Variants in PIGU observed in about 807,000 individuals in gnomAD.
The protein encoded by PIGU is GPI-anchor transamidase component PIGU.
A neutral mutation model predicts 49.9 loss-of-function variants in PIGU; 24 were observed. The observed-to-expected ratio is 0.48, with a 90% CI of 0.35 to 0.68. The LOEUF (loss-of-function observed/expected upper bound fraction) is 0.68. Ranked by LOEUF, PIGU falls within the 30% of genes least tolerant of loss-of-function variation. The probability of loss-of-function intolerance (pLI) is 0.01; values close to 1 mark genes in which losing one functional copy is unlikely to be tolerated. For missense variants in PIGU, 490 were observed against 532.6 expected, an observed-to-expected ratio of 0.92 and a Z score of 0.79; for synonymous variants, 220 against 205.7, an observed-to-expected ratio of 1.07 and a Z score of -0.59.
At chr20:34,637,542 C>G (rs533019635) in intron 5 of PIGU, among the ~76,000 whole-genome samples, 1 of 152,250 alleles carries the variant, frequency 6.6e-6, no homozygotes, top group African/African-American at 2.4e-5. Context: ...ACATAAAAAC[C>G]AAACTTTTAT....
At chr20:34,574,981 G>A in intron 11 of PIGU, 123 bp downstream of exon 11, 1 of 1,305,778 alleles carries the variant, frequency 7.7e-7, no homozygotes, top group Non-Finnish European at 1.1e-6. Context: ...TACTTGAGGG[G>A]AGTAACTGTG....
At chr20:34,674,819 A>T (rs1049241812) in intron 1 of PIGU, among the ~76,000 whole-genome samples, 1 of 151,954 alleles carries the variant, frequency 6.6e-6, no homozygotes, top group African/African-American at 2.4e-5. Context: ...ACATGCCTGT[A>T]GTCCCAGCTA....
chr20:34,620,293 C>T (rs1218490102), intron 6 of PIGU, among the ~76,000 whole-genome samples: 1 of 152,206 alleles, frequency 6.6e-6, no homozygotes, highest in African/African-American at 2.4e-5. Flanking sequence ...TTTCTGAAAA[C>T]ATCATGCTGT....
At chr20:34,569,430 C>T (rs1019890858) in intron 11 of PIGU, among the ~76,000 whole-genome samples, 3 of 152,048 alleles carry the variant, frequency 2.0e-5, no homozygotes, top group Non-Finnish European at 4.4e-5. Context: ...GGGGTTTTGC[C>T]ATGTTGCCCA....
intron 7 of PIGU, among the ~76,000 whole-genome samples, chr20:34,610,869 T>C (rs1368370909): frequency 6.6e-6 from 1 of 151,964 alleles, no homozygotes; most frequent in Admixed American, 6.6e-5. Context: ...TATAGACCAA[T>C]GGAACAGAAC....
chr20:34,592,995 T>TAA (rs1984053130), intron 7 of PIGU, among the ~76,000 whole-genome samples: 1 of 152,128 alleles, frequency 6.6e-6, no homozygotes, highest in African/African-American at 2.4e-5. Context: ...ACTAAATTTT[T>TAA]CTGAAATAAT....
chr20:34,622,374 G>A (rs1049323544), intron 6 of PIGU, among the ~76,000 whole-genome samples: 4 of 151,886 alleles, frequency 2.6e-5, no homozygotes, highest in East Asian at 3.9e-4. Context: ...AAAATTAGCC[G>A]GATGTGGTGG....
At chr20:34,620,586 C>T (rs988323844) in intron 6 of PIGU, among the ~76,000 whole-genome samples, 10 of 151,818 alleles carry the variant, frequency 6.6e-5, no homozygotes. Context: ...CTGAGGCGGG[C>T]GGATCACGAG....
At chr20:34,609,873 A>G (rs1049258748) in intron 7 of PIGU, among the ~76,000 whole-genome samples, 6 of 152,256 alleles carry the variant, frequency 3.9e-5, no homozygotes, top group South Asian at 2.1e-4. Flanking sequence ...GTTACCCCCA[A>G]TGCTGCTGTT....
intron 4 of PIGU, among the ~76,000 whole-genome samples, chr20:34,639,593 A>G (rs1986086360): frequency 1.3e-5 from 2 of 152,032 alleles, no homozygotes. Context: ...ATAGGTTCAA[A>G]AGTATGTACT....
chr20:34,639,138 A>G (rs1986065749), intron 4 of PIGU, among the ~76,000 whole-genome samples: 1 of 152,202 alleles, frequency 6.6e-6, no homozygotes, highest in African/African-American at 2.4e-5. Flanking sequence ...ATGGTGGCTC[A>G]TGCCTGTAAT....
chr20:34,572,633 G>T (rs1219385573), intron 11 of PIGU, among the ~76,000 whole-genome samples: 2 of 152,136 alleles, frequency 1.3e-5, no homozygotes. Context: ...TATCCTGGGT[G>T]ACAGAGTGAG....
At chr20:34,561,990 G>C (rs573097275) in intron 11 of PIGU, among the ~76,000 whole-genome samples, 6 of 152,178 alleles carry the variant, frequency 3.9e-5, no homozygotes, top group African/African-American at 1.4e-4. Flanking sequence ...CAGGGTCTTC[G>C]AATGGTTCTG....
chr20:34,594,371 G>A (rs1025805591), intron 7 of PIGU, among the ~76,000 whole-genome samples: 1 of 151,870 alleles, frequency 6.6e-6, no homozygotes, highest in Non-Finnish European at 1.5e-5. Flanking sequence ...ATAAACTATG[G>A]TATATTCACA....
intron 6 of PIGU, among the ~76,000 whole-genome samples, chr20:34,624,955 G>A (rs1263632577): frequency 6.6e-6 from 1 of 152,228 alleles, no homozygotes; most frequent in East Asian, 1.9e-4. Flanking sequence ...CTTCTGTGGT[G>A]TATCTGCTCC....
At chr20:34,597,457 G>A (rs1007926478) in intron 7 of PIGU, among the ~76,000 whole-genome samples, 13 of 152,220 alleles carry the variant, frequency 8.5e-5, no homozygotes, top group African/African-American at 2.9e-4. Context: ...GAACAGTTGT[G>A]TCTGAGGAAA....
chr20:34,598,401 G>A (rs1984284022), intron 7 of PIGU, among the ~76,000 whole-genome samples: 1 of 152,152 alleles, frequency 6.6e-6, no homozygotes, highest in Admixed American at 6.6e-5. Context: ...TCAAGGAGGA[G>A]CTAAGCCATT....
At chr20:34,578,835 G>C (rs1312436491) in intron 10 of PIGU, among the ~76,000 whole-genome samples, 1 of 152,218 alleles carries the variant, frequency 6.6e-6, no homozygotes, top group African/African-American at 2.4e-5. Flanking sequence ...AAGCGTCAGA[G>C]GTGACCAGGG....
intron 7 of PIGU, among the ~76,000 whole-genome samples, chr20:34,591,815 G>T (rs1052826473): frequency 2.0e-5 from 3 of 152,132 alleles, no homozygotes; most frequent in African/African-American, 7.2e-5. Flanking sequence ...AAAGAGAAAT[G>T]ATGTCAGAAA....
Sources: allele counts gnomAD v4.1 joint callset (sites outside exome capture counted in the v4.1 genomes callset), GRCh38; gene constraint gnomAD v4.1.1; transcripts MANE v1.5; gene names NCBI Gene and HGNC (gene_info 2026-07-23, HGNC 2026-07-21).